Variants in SH3RF1 observed in about 807,000 individuals in gnomAD.
The protein encoded by SH3RF1 is E3 ubiquitin-protein ligase SH3RF1.
SH3RF1 carries 32 observed loss-of-function variants against 74.0 expected under a neutral mutation model. The ratio of observed to expected loss-of-function variants is 0.43; its 90% CI spans 0.33 to 0.58. The LOEUF (loss-of-function observed/expected upper bound fraction) is 0.58. SH3RF1 is among the 20% of genes least tolerant of loss of function. SH3RF1 has a pLI of 0.05. For missense variants in SH3RF1, 954 were observed against 1,130.9 expected (o/e 0.84, Z 2.24); for synonymous variants, 396 against 439.6 (o/e 0.90, Z 1.24).
rs1733699792 is a variant in SH3RF1, at chr4:169,136,369, A to T, written c.1017T>A (p.Ala339=). The T allele has an allele frequency of 6.4e-7, 1 of 1,574,684 alleles. No homozygotes were observed. The highest frequency in any genetic ancestry group is 1.9e-5 in the Admixed American group (1 of 52,890). The change falls in exon 5 of 12, where the codon GCT becomes GCA. Residue 339 remains alanine, a synonymous_variant. Transcript: ENST00000284637. The part of the protein sequence containing the change: ...PVLISSSNPT[A]AARISELSGL... ...CAGACAGCTCGCTGATCCGTGCAGC[A>T]GCAGTGGGGTTGCTGGAGCTGATGA... is the stretch of plus-strand genomic sequence containing the variant.
At chr4:169,120,004 T>C (rs1733412718) in intron 8 of SH3RF1, among the ~76,000 whole-genome samples, 1 of 152,192 alleles carries the variant, frequency 6.6e-6, no homozygotes, top group South Asian at 2.1e-4. Flanking sequence ...CTCCTGTCAC[T>C]CTATAACAGG....
At chr4:169,202,729 T>C (rs1259434392) in intron 2 of SH3RF1, among the ~76,000 whole-genome samples, 2 of 152,186 alleles carry the variant, frequency 1.3e-5, no homozygotes, top group African/African-American at 4.8e-5. Flanking sequence ...GAGAAATAGC[T>C]TATGACAAAA....
rs185212063 is a variant in SH3RF1 at position 169,122,408 on chromosome 4, C to G, written c.1180-142G>C. On this transcript the variant is annotated intron_variant, in intron 6 of 11. Transcript: ENST00000284637. ...TGGAATCCACACAGGGCAGAATCAG[C>G]AGGCTAACTGATATGAAAGCCTGCT... 569 of 929,970 alleles carry G rather than the reference C, an allele frequency of 6.1e-4. 6 individuals are homozygous for G. In the Admixed American group the frequency reaches 0.015, roughly 24 times the overall value. The allele number at this position is 929,970 out of a possible 1,614,324, so 57.6% of individuals were successfully genotyped here.
At chr4:169,126,707 C>T (rs1322808624) in intron 6 of SH3RF1, among the ~76,000 whole-genome samples, 2 of 152,106 alleles carry the variant, frequency 1.3e-5, no homozygotes, top group Non-Finnish European at 1.5e-5. Context: ...CCTCAGCCTC[C>T]CGAGTAGCTG....
chr4:169,232,633 C>T (rs1427056738), intron 2 of SH3RF1, among the ~76,000 whole-genome samples: 2 of 152,138 alleles, frequency 1.3e-5, no homozygotes, highest in Admixed American at 6.5e-5. Flanking sequence ...CAAATGAATT[C>T]AAGTTTACTT....
chr4:169,158,427 A>G (rs1734097345), intron 2 of SH3RF1, among the ~76,000 whole-genome samples: 1 of 152,212 alleles, frequency 6.6e-6, no homozygotes, highest in Non-Finnish European at 1.5e-5. Context: ...CCTGGATAAG[A>G]ATTACGGAAC....
Position 169,125,801 on chromosome 4 carries a change from T to C in SH3RF1, c.1180-3535A>G, listed in dbSNP as rs75708191. Among the ~76,000 whole-genome samples, 78 of 152,370 alleles carry C rather than the reference T, an allele frequency of 5.1e-4. 1 individual carries two copies. In the East Asian group the frequency reaches 0.015, roughly 29 times the overall value. ...ATGTCTGAACAGTCCTTGTGTGTAC[T>C]GAACTCAGATGCATGAATACTGGTT... On this transcript the variant is annotated intron_variant, in intron 6 of 11. Transcript: ENST00000284637.
chr4:169,132,670 A>C (rs1733637475), intron 5 of SH3RF1, among the ~76,000 whole-genome samples: 1 of 143,252 alleles, frequency 7.0e-6, no homozygotes, highest in African/African-American at 2.6e-5. Context: ...AGAAAGGCTA[A>C]GTAAGGTGGG....
At chr4:169,162,664 CGTT>C (rs1262173834) in intron 2 of SH3RF1, among the ~76,000 whole-genome samples, 2 of 152,174 alleles carry the variant, frequency 1.3e-5, no homozygotes, top group South Asian at 2.1e-4. Flanking sequence ...TAAGACAAAA[CGTT>C]GTTTCTTCAT....
chr4:169,178,322 G>GCTTATTTAAAAAAATAAGCAACTATT, intron 2 of SH3RF1, among the ~76,000 whole-genome samples: 1 of 48,646 alleles, frequency 2.1e-5, no homozygotes, highest in Non-Finnish European at 6.0e-5. Flanking sequence ...AAGCAACTAT[G>GCTTATTTAAAAAAATAAGCAACTATT]CTTATTTAAA....
intron 2 of SH3RF1, among the ~76,000 whole-genome samples, chr4:169,164,946 T>C (rs1422239421): frequency 6.6e-6 from 1 of 152,224 alleles, no homozygotes; most frequent in Non-Finnish European, 1.5e-5. Context: ...AAGATAGCTA[T>C]TGAGAATGCA....
intron 2 of SH3RF1, among the ~76,000 whole-genome samples, chr4:169,259,523 C>T (rs538804028): frequency 2.6e-5 from 4 of 152,192 alleles, no homozygotes; most frequent in Admixed American, 6.5e-5. Context: ...GACATATACG[C>T]GACAAAAGGA....
chr4:169,098,945 C>A (rs1437927452), intron 11 of SH3RF1, among the ~76,000 whole-genome samples: 2 of 152,182 alleles, frequency 1.3e-5, no homozygotes, highest in East Asian at 3.9e-4. Flanking sequence ...TAGGCAGAGG[C>A]CTGGCACTTC....
At chr4:169,107,964 T>C (rs1035754316) in intron 10 of SH3RF1, among the ~76,000 whole-genome samples, 1 of 152,368 alleles carries the variant, frequency 6.6e-6, no homozygotes, top group Non-Finnish European at 1.5e-5. Context: ...TTTGTTTGTT[T>C]GTTTGTTTGT....
At chr4:169,217,759 A>G (rs1204719261) in intron 2 of SH3RF1, among the ~76,000 whole-genome samples, 1 of 152,176 alleles carries the variant, frequency 6.6e-6, no homozygotes, top group East Asian at 1.9e-4. Context: ...AACTCTATAG[A>G]TGGATTCTGG....
In SH3RF1 at chr4:169,191,298, C is replaced by CAAA. The variant is rs35344441; in HGVS notation, c.394-34622_394-34620dup. Among the ~76,000 whole-genome samples the CAAA allele has an allele frequency of 4.2e-4, 47 of 113,186 alleles. 1 individual carries two copies. The highest frequency in any genetic ancestry group is 1.4e-3 in the South Asian group (5 of 3,526). 74.3% of individuals were successfully genotyped at this position (113,186 alleles called of 152,430 possible). A position where few individuals can be genotyped will look rare whatever the true frequency, so the allele number is the denominator to read the frequency against. On this transcript the variant is annotated intron_variant, in intron 2 of 11. Coordinates refer to ENST00000284637, the MANE Select transcript of SH3RF1 (RefSeq NM_020870.4). ...AACTCAATCCCTTTTACAATAGCTG[C>CAAA]AAAAAAAAAAAAAAAAACCTTAGGA...
At position 169,144,358 on chromosome 4, in the gene SH3RF1, C is replaced by T. The variant is rs774392283; in HGVS notation, c.766-7738G>A. On this transcript the variant is annotated intron_variant, in intron 4 of 11. Coordinates refer to ENST00000284637, the MANE Select transcript of SH3RF1 (RefSeq NM_020870.4). The stretch of plus-strand genomic sequence containing the variant: ...GTACAATACCTATTCTCAACCCAAA[C>T]AAAAATATCCCATTCAAAATATTCA... Among the ~76,000 whole-genome samples the T allele has an allele frequency of 8.4e-4, 128 of 152,130 alleles. 3 individuals carry two copies. The highest frequency in any genetic ancestry group is 4.0e-4 in the Non-Finnish European group (27 of 68,006).
At chr4:169,205,859 T>A (rs149168746) in intron 2 of SH3RF1, among the ~76,000 whole-genome samples, 1 of 152,298 alleles carries the variant, frequency 6.6e-6, no homozygotes, top group East Asian at 1.9e-4. Flanking sequence ...AAAACAAACA[T>A]GTATCCAAAG....
intron 2 of SH3RF1, among the ~76,000 whole-genome samples, chr4:169,178,470 A>G (rs73863677): frequency 0.014 from 2,065 of 152,136 alleles, 34 homozygotes; most frequent in African/African-American, 0.046. Context: ...AGTACATTCA[A>G]TGCCCAAAAG....
Sources: gnomAD v4.1 joint callset for allele counts (sites outside exome capture counted in the v4.1 genomes callset) on GRCh38, gnomAD v4.1.1 for gene constraint, MANE v1.5 for transcripts, NCBI Gene and HGNC (gene_info 2026-07-23, HGNC 2026-07-21) for gene names.